ADAMTS19: variants seen among roughly 807,000 people sequenced by gnomAD.
ADAMTS19 encodes ADAM metallopeptidase with thrombospondin type 1 motif 19.
A neutral mutation model predicts 153.3 loss-of-function variants in ADAMTS19; 93 were observed. The ratio of observed to expected loss-of-function variants is 0.61; its 90% CI spans 0.51 to 0.72. The LOEUF (loss-of-function observed/expected upper bound fraction) is 0.72, where lower values mean the gene tolerates loss of function less well. ADAMTS19 is among the 30% of genes least tolerant of loss of function. ADAMTS19 has a pLI of 0.00. For missense variants in ADAMTS19, 1,482 were observed against 1,552.1 expected, an observed-to-expected ratio of 0.95 and a Z score of 0.76; for synonymous variants, 600 against 556.6, an observed-to-expected ratio of 1.08 and a Z score of -1.10.
intron 9 of ADAMTS19, 32 bp downstream of exon 9, chr5:129,620,790 G>A: frequency 1.2e-6 from 2 of 1,604,596 alleles, no homozygotes; most frequent in Non-Finnish European, 8.5e-7. Context: ...TTTGCCTTGT[G>A]AATGATTATG....
At chr5:129,708,010 T>C (rs539846076) in intron 21 of ADAMTS19, among the ~76,000 whole-genome samples, 2 of 152,352 alleles carry the variant, frequency 1.3e-5, no homozygotes, top group African/African-American at 4.8e-5. Flanking sequence ...ACTGAAAAGA[T>C]GGCTTATGCC....
intron 21 of ADAMTS19, among the ~76,000 whole-genome samples, chr5:129,711,051 A>C (rs917303171): frequency 2.6e-5 from 4 of 152,176 alleles, no homozygotes; most frequent in African/African-American, 4.8e-5. Flanking sequence ...ATTAAAATCA[A>C]CTTGCAGGGA....
chr5:129,729,901 C>T (rs2127217049), intron 21 of ADAMTS19, among the ~76,000 whole-genome samples: 1 of 152,094 alleles, frequency 6.6e-6, no homozygotes, highest in East Asian at 1.9e-4. Flanking sequence ...AATTATGGGC[C>T]TCTTTGAAAT....
intron 2 of ADAMTS19, among the ~76,000 whole-genome samples, chr5:129,464,152 G>C (rs1749779871): frequency 6.6e-6 from 1 of 152,194 alleles, no homozygotes; most frequent in Non-Finnish European, 1.5e-5. Flanking sequence ...GAATGATAAA[G>C]AATGTCTCCT....
chr5:129,461,501 C>T lies in ADAMTS19; in HGVS notation c.491C>T (p.Ala164Val), dbSNP rs1749660673. 2 of 1,506,760 alleles carry T rather than the reference C, an allele frequency of 1.3e-6. No homozygotes were observed. Among genetic ancestry groups the T allele is most frequent in the Admixed American group, 2.1e-5 (1 of 46,548 alleles). 93.3% of individuals were successfully genotyped at this position (1,506,760 alleles called of 1,614,324 possible). Residue 164 changes from alanine (A) to valine (V), a missense_variant, in exon 2 of 23, where the codon GCC (alanine) becomes GTC (valine). By Grantham distance (64) the Ala-to-Val change is moderately conservative (BLOSUM62 0). Transcript: ENST00000274487. This position sits in a 1 kb window ranked among gnomAD's most constrained non-coding sequence, Gnocchi z 4.6. ...CCGTCCCCGCCCCCGGCCCAGCATG[C>T]CGAGCCGGATGGCGACGAAGTGTTG... The part of the protein sequence containing the change: ...PPPSPPPAQH[A>V]EPDGDEVLLR...
In ADAMTS19 at chr5:129,461,070, A is replaced by T; in HGVS notation, c.92-32A>T. The T allele has an allele frequency of 7.4e-7, 1 of 1,347,668 alleles. No individual in the cohort carries two copies. The highest frequency in any genetic ancestry group is 9.5e-7 in the Non-Finnish European group (1 of 1,054,196). 83.5% of individuals were successfully genotyped at this position (1,347,668 alleles called of 1,614,324 possible). Reference sequence around the variant, plus strand: ...TGTGCTACTGGAACCGCGGCACTTTAAGCCCCGCACTTCTGTCTGCCCCGC... The same window carrying T: ...TGTGCTACTGGAACCGCGGCACTTTTAGCCCCGCACTTCTGTCTGCCCCGC... On this transcript the variant is annotated intron_variant, in intron 1 of 22. Coordinates refer to ENST00000274487, the MANE Select transcript of ADAMTS19 (RefSeq NM_133638.6). This position sits in a 1 kb window ranked among gnomAD's most constrained non-coding sequence, Gnocchi z 4.6.
At chr5:129,525,359 T>C (rs978585772) in intron 3 of ADAMTS19, among the ~76,000 whole-genome samples, 11 of 152,112 alleles carry the variant, frequency 7.2e-5, no homozygotes, top group Non-Finnish European at 1.3e-4. Flanking sequence ...GATTTTAATT[T>C]ATTTAATGTA....
At chr5:129,721,350 A>C (rs1361337906) in intron 21 of ADAMTS19, among the ~76,000 whole-genome samples, 1 of 152,286 alleles carries the variant, frequency 6.6e-6, no homozygotes, top group African/African-American at 2.4e-5. Context: ...ACCCATCAAA[A>C]ATTTCTTTAT....
At chr5:129,544,731 T>C (rs1752793651) in intron 6 of ADAMTS19, among the ~76,000 whole-genome samples, 1 of 152,156 alleles carries the variant, frequency 6.6e-6, no homozygotes, top group African/African-American at 2.4e-5. Context: ...CTGTGCAAAG[T>C]GGGGAAGTGG....
intron 16 of ADAMTS19, among the ~76,000 whole-genome samples, chr5:129,674,006 G>T (rs1016707020): frequency 6.6e-6 from 1 of 152,060 alleles, no homozygotes; most frequent in Non-Finnish European, 1.5e-5. Flanking sequence ...TGAGGTGGGC[G>T]GATCACCTGA....
At chr5:129,578,193 C>T (rs1388133657) in intron 7 of ADAMTS19, among the ~76,000 whole-genome samples, 1 of 27,510 alleles carries the variant, frequency 3.6e-5, no homozygotes, top group African/African-American at 1.1e-4. Context: ...TGTATATGTA[C>T]GTATACGTAC....
At chr5:129,701,194 T>C (rs980250022) in intron 19 of ADAMTS19, among the ~76,000 whole-genome samples, 194 bp from the exon 20 acceptor site, 2 of 150,964 alleles carry the variant, frequency 1.3e-5, no homozygotes, top group Non-Finnish European at 1.5e-5. Context: ...ACGAGATGTG[T>C]CTTGCTCCTC....
In ADAMTS19 at chr5:129,622,236, A is replaced by G. The variant is rs546433554; in HGVS notation, c.1658A>G (p.Gln553Arg). The change falls in exon 10 of 23, where the codon CAG becomes CGG. Residue 553 changes from glutamine (Q) to arginine (R), a missense_variant. Physicochemically the swap from Gln to Arg is conservative, Grantham distance 43. Around this residue, in one of 2 missense-constraint regions of ADAMTS19, gnomAD observed 866 missense variants for 827.7 expected, o/e 1.05. Coordinates refer to ENST00000274487, the MANE Select transcript of ADAMTS19 (RefSeq NM_133638.6). The part of the protein sequence containing the change: ...ASNCLLQTNP[Q>R]SVNSVMVPSK... ...AACTGCTTGCTACAAACAAATCCGC[A>G]GAGTGTCAATTCTGTGATGGTTCCC... The G allele has an allele frequency of 6.2e-7, 1 of 1,614,116 alleles. No homozygotes were observed. The highest frequency in any genetic ancestry group is 1.3e-5 in the African/African-American group (1 of 75,040).
At chr5:129,644,622 T>TA (rs1752974215) in intron 11 of ADAMTS19, among the ~76,000 whole-genome samples, 1 of 152,160 alleles carries the variant, frequency 6.6e-6, no homozygotes, top group South Asian at 2.1e-4. Flanking sequence ...TTATAATTTT[T>TA]ATATAATTTT....
At chr5:129,648,720 A>C (rs1283239187) in intron 12 of ADAMTS19, 78 bp from the exon 13 acceptor site, 1 of 1,177,068 alleles carries the variant, frequency 8.5e-7, no homozygotes, top group Non-Finnish European at 1.2e-6. Context: ...TATATTATTA[A>C]TATAATGGCT....
intron 17 of ADAMTS19, among the ~76,000 whole-genome samples, chr5:129,680,895 C>T (rs1442255603): frequency 2.6e-5 from 4 of 152,212 alleles, no homozygotes; most frequent in South Asian, 2.1e-4. Flanking sequence ...TATGGCAGTG[C>T]GTGCTAATGG....
intron 21 of ADAMTS19, among the ~76,000 whole-genome samples, chr5:129,707,321 G>A (rs1054307404): frequency 2.0e-5 from 3 of 152,110 alleles, no homozygotes; most frequent in African/African-American, 7.2e-5. Flanking sequence ...TTGTTTCTTT[G>A]TTTGGTAACT....
At chr5:129,512,948 T>A (rs1751487955) in intron 3 of ADAMTS19, among the ~76,000 whole-genome samples, 1 of 151,996 alleles carries the variant, frequency 6.6e-6, no homozygotes, top group African/African-American at 2.4e-5. Flanking sequence ...CCCAGGTTGA[T>A]ATAATCCGAA....
At chr5:129,695,353 C>G (rs1392009102) in intron 19 of ADAMTS19, among the ~76,000 whole-genome samples, 1 of 152,172 alleles carries the variant, frequency 6.6e-6, no homozygotes, top group Non-Finnish European at 1.5e-5. Context: ...TCTCTCACCA[C>G]CAACTTTGTG....
Sources: allele counts gnomAD v4.1 joint callset (sites outside exome capture counted in the v4.1 genomes callset), GRCh38; gene constraint gnomAD v4.1.1; regional missense constraint gnomAD v4.1.1; non-coding constraint Gnocchi (gnomAD v3.1); transcripts MANE v1.5; gene names NCBI Gene and HGNC (gene_info 2026-07-23, HGNC 2026-07-21).